CACNA2D1: variants seen among roughly 807,000 people sequenced by gnomAD.
CACNA2D1 encodes calcium voltage-gated channel auxiliary subunit alpha2delta 1.
CACNA2D1 carries 53 observed loss-of-function variants against 171.5 expected under a neutral mutation model. The observed-to-expected ratio is 0.31, with a 90% confidence interval of 0.25 to 0.39. CACNA2D1 has a LOEUF of 0.39. CACNA2D1 is among the 10% of genes least tolerant of loss of function. The pLI is 1.00. For synonymous variants in CACNA2D1, 442 were observed against 443.1 expected, an observed-to-expected ratio of 1.00 and a Z score of 0.03; for missense variants, 903 against 1,299.8, an observed-to-expected ratio of 0.69 and a Z score of 4.69.
intron 3 of CACNA2D1, among the ~76,000 whole-genome samples, chr7:82,289,389 A>C (rs528552040): frequency 1.1e-4 from 16 of 152,316 alleles, no homozygotes; most frequent in African/African-American, 3.8e-4. Context: ...AATACAATGA[A>C]CAAGATGAAT....
intron 7 of CACNA2D1, 132 bp from the exon 8 acceptor site, chr7:82,066,656 A>C: frequency 7.5e-7 from 1 of 1,334,502 alleles, no homozygotes; most frequent in Middle Eastern, 2.7e-4. Flanking sequence ...CAAATGAGAG[A>C]TATCATTTTT....
chr7:82,108,833 C>T (rs183396518), intron 6 of CACNA2D1, among the ~76,000 whole-genome samples: 5 of 152,218 alleles, frequency 3.3e-5, no homozygotes, highest in African/African-American at 1.2e-4. Context: ...TCAAATTAGC[C>T]TAGCTTAAAA....
At chr7:82,157,665 T>C (rs983313654) in intron 4 of CACNA2D1, among the ~76,000 whole-genome samples, 3 of 152,048 alleles carry the variant, frequency 2.0e-5, no homozygotes, top group African/African-American at 7.2e-5. Flanking sequence ...TTATCTTGAA[T>C]ATATGATCTA....
At chr7:81,992,754 C>A (rs1425664674) in intron 20 of CACNA2D1, among the ~76,000 whole-genome samples, 1 of 152,152 alleles carries the variant, frequency 6.6e-6, no homozygotes, top group Non-Finnish European at 1.5e-5. Flanking sequence ...GTCAAGAAAT[C>A]TATTTTTCAA....
chr7:82,156,653 G>A (rs931581884), intron 4 of CACNA2D1, among the ~76,000 whole-genome samples: 28 of 43,500 alleles, frequency 6.4e-4, no homozygotes, highest in South Asian at 2.5e-3. Context: ...CTTTTAATAA[G>A]AGAGATCAAT....
Position 82,343,030 on chromosome 7 carries a change from A to G in CACNA2D1, c.177+6538T>C, listed in dbSNP as rs2129445162. On this transcript the variant is annotated intron_variant, in intron 2 of 38. Transcript: ENST00000356860. Reference sequence around the variant, plus strand: ...AAACACAATCCAAACATATATATACACACACATGCAATTATATACATACCA... The same window carrying G: ...AAACACAATCCAAACATATATATACGCACACATGCAATTATATACATACCA... 1.3e-5 allele frequency: 2 copies of G among 152,316 alleles called. 1 individual carries two copies. Among genetic ancestry groups the G allele is most frequent in the South Asian group, 4.1e-4 (2 of 4,830 alleles). The allele number at this position is 152,316 out of a possible 1,614,324, so 9.4% of individuals were successfully genotyped here. A position where few individuals can be genotyped will look rare whatever the true frequency, so the allele number is the denominator to read the frequency against.
chr7:82,015,562 C>T (rs1800346537), intron 12 of CACNA2D1, among the ~76,000 whole-genome samples: 2 of 151,980 alleles, frequency 1.3e-5, no homozygotes, highest in Admixed American at 6.6e-5. Context: ...ATTATTTTTA[C>T]ATATATATTG....
chr7:82,292,529 T>A (rs977752086), intron 3 of CACNA2D1, among the ~76,000 whole-genome samples: 1 of 152,196 alleles, frequency 6.6e-6, no homozygotes, highest in Admixed American at 6.5e-5. Flanking sequence ...TACACTTGAT[T>A]GATAATTTGG....
chr7:82,308,422 T>G (rs535828416), intron 3 of CACNA2D1, among the ~76,000 whole-genome samples: 224 of 152,290 alleles, frequency 1.5e-3, no homozygotes, highest in Middle Eastern at 6.8e-3. Context: ...CCTATCTTCC[T>G]CATAGAGCCC....
At chr7:82,179,711 A>G (rs1796916903) in intron 3 of CACNA2D1, among the ~76,000 whole-genome samples, 1 of 152,156 alleles carries the variant, frequency 6.6e-6, no homozygotes. Flanking sequence ...CAGCATATTA[A>G]TAACTTTTAC....
At chr7:82,258,622 T>C (rs149411546) in intron 3 of CACNA2D1, among the ~76,000 whole-genome samples, 63 of 152,198 alleles carry the variant, frequency 4.1e-4, no homozygotes, top group Admixed American at 1.2e-3. Flanking sequence ...CAAGATGAAA[T>C]ACATCACCAA....
chr7:82,005,250 A>G (rs532244874), intron 18 of CACNA2D1, 173 bp downstream of exon 18: 5 of 555,218 alleles, frequency 9.0e-6, no homozygotes, highest in Non-Finnish European at 1.3e-5. Context: ...AACTGCTTTC[A>G]CACTTTCATA....
rs1792390693 is a variant in CACNA2D1 at position 81,950,517 on chromosome 7, A to T, written c.3160-9T>A. Reference sequence around the variant, plus strand: ...CAGTCAGTATAATCCTCCTGTTGTTAAAAAAAAAAGAAAAGAACAGAAAAA... The same window carrying T: ...CAGTCAGTATAATCCTCCTGTTGTTTAAAAAAAAAGAAAAGAACAGAAAAA... On this transcript the variant is annotated splice_polypyrimidine_tract_variant and intron_variant, in intron 38 of 38. Coordinates refer to ENST00000356860, the MANE Select transcript of CACNA2D1 (RefSeq NM_000722.4). 2.3e-6 allele frequency: 3 copies of T among 1,317,270 alleles called. No homozygotes were observed. Among genetic ancestry groups the T allele is most frequent in the East Asian group, 2.7e-5 (1 of 36,888 alleles). 81.6% of individuals were successfully genotyped at this position (1,317,270 alleles called of 1,614,324 possible).
chr7:82,228,122 A>T (rs1366317494), intron 3 of CACNA2D1, among the ~76,000 whole-genome samples: 1 of 152,154 alleles, frequency 6.6e-6, no homozygotes, highest in African/African-American at 2.4e-5. Flanking sequence ...TGAGTTAATA[A>T]AAAAGGAGAT....
At chr7:82,165,819 A>G (rs959615540) in intron 4 of CACNA2D1, among the ~76,000 whole-genome samples, 1 of 152,068 alleles carries the variant, frequency 6.6e-6, no homozygotes. Flanking sequence ...TGATTTCAAG[A>G]GTGTTTCAAC....
At chr7:82,287,231 T>C (rs1401401987) in intron 3 of CACNA2D1, among the ~76,000 whole-genome samples, 1 of 151,608 alleles carries the variant, frequency 6.6e-6, no homozygotes, top group Non-Finnish European at 1.5e-5. Flanking sequence ...GTGGTAAATC[T>C]AGCTTAGACT....
intron 38 of CACNA2D1, among the ~76,000 whole-genome samples, chr7:81,950,729 G>A (rs568778801): frequency 6.6e-6 from 1 of 152,052 alleles, no homozygotes; most frequent in South Asian, 2.1e-4. Context: ...ATTTTTAGTT[G>A]TAGCTTTTGA....
chr7:82,261,282 A>T (rs1434378496), intron 3 of CACNA2D1, among the ~76,000 whole-genome samples: 1 of 152,150 alleles, frequency 6.6e-6, no homozygotes, highest in Non-Finnish European at 1.5e-5. Context: ...TGTCTCCCAG[A>T]ACCTGGATGC....
chr7:82,050,459 C>T, intron 10 of CACNA2D1: 1 of 643,824 alleles, frequency 1.6e-6, no homozygotes, highest in Non-Finnish European at 2.8e-6. Context: ...GGGTCACCTG[C>T]ATAGGTAGTG....
Sources: gnomAD v4.1 joint callset for allele counts (sites outside exome capture counted in the v4.1 genomes callset) on GRCh38, gnomAD v4.1.1 for gene constraint, MANE v1.5 for transcripts, NCBI Gene and HGNC (gene_info 2026-07-23, HGNC 2026-07-21) for gene names.